The following CMKLR1 variants were observed in gnomAD, a reference collection of about 807,000 sequenced individuals.
CMKLR1 encodes chemerin-like receptor 1.
A neutral mutation model predicts 8.2 loss-of-function variants in CMKLR1; 6 were observed. The ratio of observed to expected loss-of-function variants is 0.73; its 90% confidence interval spans 0.40 to 1.44. The LOEUF (loss-of-function observed/expected upper bound fraction) is 1.44, where lower values mean the gene tolerates loss of function less well. Among genes scored for constraint, CMKLR1 ranks in the 40% most tolerant of loss-of-function variants. The pLI is 0.02. For missense variants in CMKLR1, 429 were observed against 478.0 expected (o/e 0.90, Z 0.96); for synonymous variants, 178 against 181.2 (o/e 0.98, Z 0.14).
chr12:108,324,247 A>G (rs754078103), intron 2 of CMKLR1, among the ~76,000 whole-genome samples: 19 of 152,164 alleles, frequency 1.2e-4, no homozygotes, highest in Middle Eastern at 3.2e-3. Context: ...GCCCAGACAC[A>G]GATGTAGGGG....
chr12:108,315,021 T>C (rs1891686121), intron 2 of CMKLR1, among the ~76,000 whole-genome samples: 3 of 146,380 alleles, frequency 2.0e-5, no homozygotes, highest in Non-Finnish European at 4.5e-5. Context: ...CACCGCAATA[T>C]CCACCTCCCA....
intron 2 of CMKLR1, among the ~76,000 whole-genome samples, chr12:108,313,608 G>T (rs547382516): frequency 6.6e-6 from 1 of 152,310 alleles, no homozygotes; most frequent in South Asian, 2.1e-4. Flanking sequence ...AGAAACCAAG[G>T]GGTGTCCTGG....
chr12:108,318,900 C>A (rs1270525037), intron 2 of CMKLR1, among the ~76,000 whole-genome samples: 1 of 152,176 alleles, frequency 6.6e-6, no homozygotes, highest in African/African-American at 2.4e-5. Flanking sequence ...CTCCCCTCCA[C>A]GAATTAGTCT....
At chr12:108,319,928 C>G (rs1420427729) in intron 2 of CMKLR1, among the ~76,000 whole-genome samples, 2 of 152,254 alleles carry the variant, frequency 1.3e-5, no homozygotes, top group Admixed American at 1.3e-4. Flanking sequence ...AGGTGTCAGG[C>G]TGGGAGATAG....
Position 108,328,877 on chromosome 12 carries a change from A to G in CMKLR1, c.-74+1118T>C, listed in dbSNP as rs573001612. Among the ~76,000 whole-genome samples the G allele has an allele frequency of 1.7e-3, 258 of 152,294 alleles. 2 individuals are homozygous for G. Among genetic ancestry groups the G allele is most frequent in the Non-Finnish European group, 1.2e-3 (84 of 68,016 alleles). On this transcript the variant is annotated intron_variant, in intron 2 of 3. Transcript: ENST00000550402. ...TGGGCAACCCAAAGTGCCATCTTAT[A>G]TCAGCTCTCCTTTAGGATTAAACCA... is the stretch of plus-strand genomic sequence containing the variant.
intron 2 of CMKLR1, among the ~76,000 whole-genome samples, chr12:108,299,978 T>C (rs1891226621): frequency 6.6e-6 from 1 of 152,186 alleles, no homozygotes; most frequent in Non-Finnish European, 1.5e-5. Flanking sequence ...GCACATGGCA[T>C]TTATGTGATT....
rs1228583546 is a variant in CMKLR1 at position 108,291,956 on chromosome 12, T to C, written c.1007A>G (p.Asn336Ser). The C allele has an allele frequency of 5.0e-6, 8 of 1,614,074 alleles. No homozygotes were observed. The highest frequency in any genetic ancestry group is 4.5e-5 in the East Asian group (2 of 44,886). ...GTGGCCTGTATCTTCACTTAGAGCA[T>C]TGACCAGGCGAGAGAAGAGGGCCAC... is the stretch of plus-strand genomic sequence containing the variant. Reference protein sequence around the residue: ...FKVALFSRLVNALSEDTGHSS... With the variant: ...FKVALFSRLVSALSEDTGHSS... Residue 336 changes from asparagine (N) to serine (S), a missense_variant, in exon 4 of 4, where the codon AAT becomes AGT. By Grantham distance (46) the Asn-to-Ser change is conservative (BLOSUM62 1). Coordinates refer to ENST00000550402, the MANE Select transcript of CMKLR1 (RefSeq NM_001142343.2).
At chr12:108,328,593 C>T (rs562998339) in intron 2 of CMKLR1, among the ~76,000 whole-genome samples, 1 of 152,344 alleles carries the variant, frequency 6.6e-6, no homozygotes, top group East Asian at 1.9e-4. Context: ...GTGGCCATCC[C>T]TTCTGACTCA....
chr12:108,331,187 C>T (rs910324618), intron 1 of CMKLR1, among the ~76,000 whole-genome samples: 2 of 152,132 alleles, frequency 1.3e-5, no homozygotes, highest in African/African-American at 4.8e-5. Flanking sequence ...CTACCAGGTG[C>T]CAGACACTTA....
chr12:108,329,057 G>T (rs1224417352), intron 2 of CMKLR1, among the ~76,000 whole-genome samples: 1 of 152,310 alleles, frequency 6.6e-6, no homozygotes. Flanking sequence ...GACACCCCAT[G>T]AGATAAAGCC....
At chr12:108,307,028 C>T (rs894873712) in intron 2 of CMKLR1, among the ~76,000 whole-genome samples, 3 of 152,200 alleles carry the variant, frequency 2.0e-5, no homozygotes, top group South Asian at 2.1e-4. Context: ...CCATAAACAC[C>T]GCCCCAGCCC....
At chr12:108,294,876 C>T (rs1225247957) in intron 2 of CMKLR1, among the ~76,000 whole-genome samples, 1 of 152,170 alleles carries the variant, frequency 6.6e-6, no homozygotes, top group Non-Finnish European at 1.5e-5. Context: ...CATTACTGAT[C>T]CTTCCCAGCT....
intron 2 of CMKLR1, among the ~76,000 whole-genome samples, chr12:108,319,086 G>A (rs1593173554): frequency 6.6e-6 from 1 of 152,314 alleles, no homozygotes; most frequent in South Asian, 2.1e-4. Flanking sequence ...CCAAGGTGCT[G>A]ACAAGGAGCC....
rs1891166016 is a variant in CMKLR1 at position 108,297,421 on chromosome 12, G to A, written c.-73-3757C>T. ...GAGGCTGTCAGTAGTTAAATTTTGG[G>A]GGAGTCAAAAGTTATATGTGGATTT... On this transcript the variant is annotated intron_variant, in intron 2 of 3. Transcript: ENST00000550402. Among the ~76,000 whole-genome samples the A allele has an allele frequency of 2.0e-5, 3 of 152,278 alleles. 1 individual carries two copies. The Middle Eastern group carries it at 0.01, about 518-fold the overall frequency.
intron 2 of CMKLR1, among the ~76,000 whole-genome samples, chr12:108,310,153 T>C (rs1891512718): frequency 6.9e-6 from 1 of 145,138 alleles, no homozygotes; most frequent in Non-Finnish European, 1.5e-5. Flanking sequence ...TGAAAAAGTG[T>C]GGTTAGGGGC....
At chr12:108,325,791 C>G (rs1465478208) in intron 2 of CMKLR1, among the ~76,000 whole-genome samples, 1 of 152,218 alleles carries the variant, frequency 6.6e-6, no homozygotes, top group Admixed American at 6.5e-5. Flanking sequence ...TCTACCCACA[C>G]CAGCGCAGCC....
chr12:108,313,353 C>T (rs932531917), intron 2 of CMKLR1, among the ~76,000 whole-genome samples: 7 of 148,518 alleles, frequency 4.7e-5, no homozygotes, highest in African/African-American at 1.7e-4. Context: ...GCTAGAGAGG[C>T]TTTAGGATCA....
chr12:108,301,949 A>T (rs927871184), intron 2 of CMKLR1, among the ~76,000 whole-genome samples: 1 of 152,190 alleles, frequency 6.6e-6, no homozygotes, highest in Non-Finnish European at 1.5e-5. Flanking sequence ...AGACACACAC[A>T]TCAGAATGCA....
chr12:108,307,022 A>C (rs2137311617), intron 2 of CMKLR1, among the ~76,000 whole-genome samples: 1 of 152,258 alleles, frequency 6.6e-6, no homozygotes, highest in Non-Finnish European at 1.5e-5. Context: ...CTCTCCCCAT[A>C]AACACCGCCC....
Sources: allele counts gnomAD v4.1 joint callset (sites outside exome capture counted in the v4.1 genomes callset), GRCh38; gene constraint gnomAD v4.1.1; transcripts MANE v1.5; gene names NCBI Gene and HGNC (gene_info 2026-07-23, HGNC 2026-07-21).